The following ATXN1 variants were observed in gnomAD, a reference collection of about 807,000 sequenced individuals.
ATXN1 encodes the protein ataxin 1.
ATXN1 carries 8 observed loss-of-function variants against 56.4 expected under a neutral mutation model. The observed-to-expected ratio is 0.14, with a 90% CI of 0.08 to 0.26. ATXN1 has a LOEUF of 0.26. Ranked by LOEUF, ATXN1 falls within the 10% of genes least tolerant of loss-of-function variation. The probability of loss-of-function intolerance (pLI) is 1.00; values close to 1 mark genes in which losing one functional copy is unlikely to be tolerated. For synonymous variants in ATXN1, 514 were observed against 494.6 expected (o/e 1.04, Z -0.52); for missense variants, 987 against 1,106.5 (o/e 0.89, Z 1.53).
chr6:16,734,498 T>C (rs1164573387), intron 2 of ATXN1, among the ~76,000 whole-genome samples: 1 of 152,102 alleles, frequency 6.6e-6, no homozygotes, highest in Non-Finnish European at 1.5e-5. Context: ...TTTGTGTACT[T>C]TCGTGAAAAA....
chr6:16,639,303 AC>A (rs1160587136), intron 3 of ATXN1, among the ~76,000 whole-genome samples: 1 of 152,030 alleles, frequency 6.6e-6, no homozygotes, highest in Non-Finnish European at 1.5e-5. Flanking sequence ...GAGCTGTAAC[AC>A]TCACTGTGAA....
intron 4 of ATXN1, among the ~76,000 whole-genome samples, chr6:16,558,050 A>G (rs1254993146): frequency 4.6e-5 from 7 of 152,174 alleles, no homozygotes; most frequent in Admixed American, 4.6e-4. Context: ...CTTAATGGGT[A>G]AAGGTTTTCT....
intron 1 of ATXN1, chr6:16,754,041 A>C (rs1250946799): frequency 6.6e-6 from 1 of 152,232 alleles, no homozygotes; most frequent in Non-Finnish European, 1.5e-5. Flanking sequence ...TCTTCCATAT[A>C]CCTTTCCATC....
intron 2 of ATXN1, among the ~76,000 whole-genome samples, chr6:16,669,136 T>C (rs9367924): frequency 0.12 from 18,780 of 152,240 alleles, 1,355 homozygotes; most frequent in Admixed American, 0.17. Context: ...AACCAAGTAA[T>C]TGAAGACATG....
intron 5 of ATXN1, among the ~76,000 whole-genome samples, chr6:16,519,968 A>G (rs1013535821): frequency 1.3e-5 from 2 of 152,236 alleles, no homozygotes; most frequent in African/African-American, 2.4e-5. Flanking sequence ...AAAAGAGGGT[A>G]TCAGGGCTGC....
intron 2 of ATXN1, among the ~76,000 whole-genome samples, chr6:16,748,082 C>A (rs1325066718): frequency 1.3e-5 from 2 of 152,180 alleles, no homozygotes; most frequent in Non-Finnish European, 2.9e-5. Flanking sequence ...ACATTTGGAT[C>A]CAACTTAAGC....
chr6:16,557,339 A>C (rs1413611394), intron 4 of ATXN1, among the ~76,000 whole-genome samples: 1 of 151,708 alleles, frequency 6.6e-6, no homozygotes, highest in Non-Finnish European at 1.5e-5. Flanking sequence ...AAAAAAAAAA[A>C]AAAAAAACAA....
intron 2 of ATXN1, among the ~76,000 whole-genome samples, chr6:16,686,966 C>T (rs1300077472): frequency 1.3e-5 from 2 of 152,228 alleles, no homozygotes; most frequent in Non-Finnish European, 2.9e-5. Flanking sequence ...CTAGTGTTTA[C>T]AATGACACTA....
In ATXN1 at chr6:16,674,209, A is replaced by AG. The variant is rs1161392924; in HGVS notation, c.-614-16309dup. On this transcript the variant is annotated intron_variant, in intron 2 of 7. Transcript: ENST00000436367. The stretch of plus-strand genomic sequence containing the variant: ...CTATACTTATTCCCAGCCACAGGCA[A>AG]GGGAAACATGGCTTTTCCACAATGA... Among the ~76,000 whole-genome samples, 5 of 152,290 alleles carry AG rather than the reference A, an allele frequency of 3.3e-5. No individual in the cohort carries two copies. The South Asian group carries it at 1.0e-3, about 32-fold the overall frequency.
intron 3 of ATXN1, among the ~76,000 whole-genome samples, chr6:16,633,177 A>G (rs1763536926): frequency 6.6e-6 from 1 of 152,218 alleles, no homozygotes; most frequent in South Asian, 2.1e-4. Context: ...AACATTTAAA[A>G]GGAGGCATGT....
chr6:16,606,125 G>A (rs936578054), intron 3 of ATXN1, among the ~76,000 whole-genome samples: 1 of 152,046 alleles, frequency 6.6e-6, no homozygotes, highest in African/African-American at 2.4e-5. Context: ...TGTCACTCTG[G>A]AGACAGAGCG....
chr6:16,408,844 G>A (rs7776292), intron 6 of ATXN1, among the ~76,000 whole-genome samples: 6,500 of 152,238 alleles, frequency 0.043, 436 homozygotes, highest in African/African-American at 0.15. Flanking sequence ...GGGTTCAAGC[G>A]ATCCTCCTGT....
chr6:16,700,483 T>C (rs752512993), intron 2 of ATXN1, among the ~76,000 whole-genome samples: 3 of 151,958 alleles, frequency 2.0e-5, no homozygotes, highest in Non-Finnish European at 2.9e-5. Context: ...GAGAGCCAAG[T>C]TTAATAACCT....
chr6:16,427,927 A>G (rs1424558450), intron 6 of ATXN1, among the ~76,000 whole-genome samples: 2 of 152,172 alleles, frequency 1.3e-5, no homozygotes, highest in African/African-American at 2.4e-5. Flanking sequence ...GACTAGAGGC[A>G]TGGGGCTGTG....
chr6:16,576,727 T>C (rs573065815), intron 4 of ATXN1, among the ~76,000 whole-genome samples: 56 of 152,348 alleles, frequency 3.7e-4, no homozygotes, highest in Non-Finnish European at 7.2e-4. Context: ...TCTTTGTGTA[T>C]CTGCCCAAAT....
At chr6:16,516,365 G>C (rs1336798323) in intron 5 of ATXN1, among the ~76,000 whole-genome samples, 1 of 152,146 alleles carries the variant, frequency 6.6e-6, no homozygotes, top group Non-Finnish European at 1.5e-5. Context: ...TGGGACGTTG[G>C]GAGTTATACA....
intron 5 of ATXN1, among the ~76,000 whole-genome samples, chr6:16,511,647 G>A (rs1761083508): frequency 6.6e-6 from 1 of 152,138 alleles, no homozygotes. Context: ...ACTTTGGGAA[G>A]CCAAAGTGAG....
At chr6:16,673,551 A>G (rs1332731661) in intron 2 of ATXN1, among the ~76,000 whole-genome samples, 1 of 152,238 alleles carries the variant, frequency 6.6e-6, no homozygotes, top group Non-Finnish European at 1.5e-5. Context: ...CAACTCCAGC[A>G]CTATTAACAT....
At chr6:16,512,743 A>G (rs1761106469) in intron 5 of ATXN1, among the ~76,000 whole-genome samples, 2 of 152,178 alleles carry the variant, frequency 1.3e-5, no homozygotes, top group Non-Finnish European at 2.9e-5. Flanking sequence ...CCCTCCTGCA[A>G]GTGAGGGTGA....
Sources: allele counts gnomAD v4.1 joint callset (sites outside exome capture counted in the v4.1 genomes callset), GRCh38; gene constraint gnomAD v4.1.1; transcripts MANE v1.5; gene names NCBI Gene and HGNC (gene_info 2026-07-23, HGNC 2026-07-21).